Variants in LYPD6B observed in about 807,000 individuals in gnomAD.
LYPD6B encodes LY6/PLAUR domain containing 6B, also known as ly6/PLAUR domain-containing protein 6B.
A neutral mutation model predicts 22.8 loss-of-function variants in LYPD6B; 17 were observed. The ratio of observed to expected loss-of-function variants is 0.75; its 90% CI spans 0.51 to 1.12. LYPD6B has a LOEUF of 1.12. Ranked by LOEUF, LYPD6B falls within the 50% of genes most tolerant of loss-of-function variation. The pLI is 0.00. For synonymous variants in LYPD6B, 106 were observed against 91.6 expected (o/e 1.16, Z -0.90); for missense variants, 221 against 258.3 (o/e 0.86, Z 0.99).
At chr2:149,047,550 A>G (rs955901398) in intron 1 of LYPD6B, among the ~76,000 whole-genome samples, 1 of 151,918 alleles carries the variant, frequency 6.6e-6, no homozygotes, top group African/African-American at 2.4e-5. Context: ...CTCTTTGAAT[A>G]TGATATGCCT....
intron 1 of LYPD6B, among the ~76,000 whole-genome samples, chr2:149,098,969 A>T (rs574065771): frequency 6.6e-6 from 1 of 152,224 alleles, no homozygotes; most frequent in African/African-American, 2.4e-5. Context: ...TGCTTAAGTA[A>T]ATGTTTCCTG....
chr2:149,129,108 A>G (rs1444891066), intron 1 of LYPD6B, among the ~76,000 whole-genome samples: 1 of 152,070 alleles, frequency 6.6e-6, no homozygotes, highest in African/African-American at 2.4e-5. Flanking sequence ...GCTTCCTAAA[A>G]CTCAGCATAT....
intron 1 of LYPD6B, among the ~76,000 whole-genome samples, chr2:149,088,563 G>A (rs1414268233): frequency 6.6e-6 from 1 of 152,162 alleles, no homozygotes; most frequent in African/African-American, 2.4e-5. Flanking sequence ...CTTTTCTCCT[G>A]CCTCTTGCTG....
intron 1 of LYPD6B, among the ~76,000 whole-genome samples, chr2:149,120,039 T>TTTAA (rs1687208531): frequency 6.6e-6 from 1 of 152,004 alleles, no homozygotes; most frequent in African/African-American, 2.4e-5. Flanking sequence ...TGAAGTTAAA[T>TTTAA]GTTCTGCTTA....
chr2:149,099,163 C>G (rs899401328), intron 1 of LYPD6B, among the ~76,000 whole-genome samples: 16 of 152,182 alleles, frequency 1.1e-4, no homozygotes, highest in Non-Finnish European at 1.9e-4. Flanking sequence ...AAATCTGTTT[C>G]TTCACAGACC....
intron 2 of LYPD6B, among the ~76,000 whole-genome samples, 154 bp downstream of exon 2, chr2:149,131,107 T>C (rs545433748): frequency 6.6e-6 from 1 of 152,330 alleles, no homozygotes; most frequent in East Asian, 1.9e-4. Flanking sequence ...TGTTCATTGG[T>C]TAAATAATGT....
chr2:149,180,500 GC>G (rs1340849009), intron 3 of LYPD6B, among the ~76,000 whole-genome samples: 1 of 152,116 alleles, frequency 6.6e-6, no homozygotes, highest in Non-Finnish European at 1.5e-5. Flanking sequence ...CTTAGTCTTA[GC>G]CCCCCAGAGG....
intron 1 of LYPD6B, among the ~76,000 whole-genome samples, chr2:149,093,904 T>C (rs1685783595): frequency 6.6e-6 from 1 of 152,232 alleles, no homozygotes; most frequent in South Asian, 2.1e-4. Flanking sequence ...TCTGTAATTC[T>C]TATTAACACT....
Position 149,180,793 on chromosome 2 carries a change from G to A in LYPD6B, c.77+19958G>A, listed in dbSNP as rs920073146. ...TCTGCCACAGGCACAAAAAGGACCC[G>A]GAAAGAATCCTGGCCCTGGGGCTTC... is the stretch of plus-strand genomic sequence containing the variant. On this transcript the variant is annotated intron_variant, in intron 3 of 6. Transcript: ENST00000409642. Among the ~76,000 whole-genome samples, 9 of 152,144 alleles carry A rather than the reference G, an allele frequency of 5.9e-5. No individual in the cohort carries two copies. In the South Asian group the frequency reaches 1.2e-3, roughly 21 times the overall value.
At chr2:149,195,684 C>A (rs1370753181) in intron 3 of LYPD6B, among the ~76,000 whole-genome samples, 5 of 152,100 alleles carry the variant, frequency 3.3e-5, no homozygotes, top group Non-Finnish European at 5.9e-5. Flanking sequence ...ATCTTGTCAG[C>A]TATTGTATGG....
At chr2:149,168,272 G>T (rs1330845242) in intron 3 of LYPD6B, among the ~76,000 whole-genome samples, 1 of 151,066 alleles carries the variant, frequency 6.6e-6, no homozygotes, top group Non-Finnish European at 1.5e-5. Context: ...TGAGGAAGAG[G>T]AGCTGGGGAT....
rs369197439 is a variant in LYPD6B at position 149,157,806 on chromosome 2, A to G, written c.6-2958A>G. On this transcript the variant is annotated intron_variant, in intron 2 of 6. Transcript: ENST00000409642. ...ACACGGAAGCCTGGTTACCTTATTTATATACCCTAGAAATGAAAAACTTTT... is the reference window on the plus strand; with the variant it reads ...ACACGGAAGCCTGGTTACCTTATTTGTATACCCTAGAAATGAAAAACTTTT... Among the ~76,000 whole-genome samples the G allele has an allele frequency of 3.6e-4, 55 of 152,004 alleles. No homozygotes were observed. The South Asian group carries it at 4.0e-3, about 11-fold the overall frequency.
chr2:149,199,555 A>T (rs775468481), intron 3 of LYPD6B, among the ~76,000 whole-genome samples: 69 of 151,926 alleles, frequency 4.5e-4, no homozygotes, highest in Admixed American at 1.3e-4. Flanking sequence ...TCATGATTTT[A>T]TTTTTTCCTA....
intron 2 of LYPD6B, among the ~76,000 whole-genome samples, chr2:149,159,969 G>A (rs925368739): frequency 1.2e-4 from 18 of 152,102 alleles, no homozygotes; most frequent in African/African-American, 4.1e-4. Flanking sequence ...GGCCACCATA[G>A]CCTAGCCAAG....
At chr2:149,113,378 T>C (rs1186488736) in intron 1 of LYPD6B, among the ~76,000 whole-genome samples, 1 of 152,128 alleles carries the variant, frequency 6.6e-6, no homozygotes, top group East Asian at 1.9e-4. Flanking sequence ...AAGACTTGTG[T>C]TTTATGATGG....
chr2:149,152,278 T>C (rs1050751467), intron 2 of LYPD6B, among the ~76,000 whole-genome samples: 1 of 152,242 alleles, frequency 6.6e-6, no homozygotes, highest in African/African-American at 2.4e-5. Flanking sequence ...TGATCAAATA[T>C]TTATGAGTAC....
At chr2:149,076,274 T>C (rs1684875707) in intron 1 of LYPD6B, among the ~76,000 whole-genome samples, 1 of 152,178 alleles carries the variant, frequency 6.6e-6, no homozygotes, top group African/African-American at 2.4e-5. Context: ...TAGATTAACT[T>C]TGCAAATATG....
chr2:149,177,743 T>G (rs1422734996), intron 3 of LYPD6B, among the ~76,000 whole-genome samples: 1 of 152,082 alleles, frequency 6.6e-6, no homozygotes, highest in African/African-American at 2.4e-5. Context: ...TTTATAGGAC[T>G]GATGGTGGTT....
intron 1 of LYPD6B, among the ~76,000 whole-genome samples, chr2:149,129,786 C>G (rs1687913469): frequency 6.6e-6 from 1 of 152,158 alleles, no homozygotes; most frequent in South Asian, 2.1e-4. Flanking sequence ...GAGCAGAGAG[C>G]CTGTGTAACT....
Sources: gnomAD v4.1 joint callset for allele counts (sites outside exome capture counted in the v4.1 genomes callset) on GRCh38, gnomAD v4.1.1 for gene constraint, MANE v1.5 for transcripts, NCBI Gene and HGNC (gene_info 2026-07-23, HGNC 2026-07-21) for gene names.